Variants in ZNF365 observed in about 807,000 individuals in gnomAD.
ZNF365 encodes zinc finger protein 365, also known as protein ZNF365.
Under a neutral mutation model 35.0 loss-of-function variants are expected in ZNF365, and 22 were observed. The ratio of observed to expected loss-of-function variants is 0.63; its 90% CI spans 0.45 to 0.90. The LOEUF (loss-of-function observed/expected upper bound fraction) is 0.90. Among genes scored for constraint, ZNF365 ranks in the 40% least tolerant of loss-of-function variants. The pLI is 0.00. For synonymous variants in ZNF365, 188 were observed against 196.2 expected, an observed-to-expected ratio of 0.96 and a Z score of 0.35; for missense variants, 448 against 500.3, an observed-to-expected ratio of 0.90 and a Z score of 1.00.
chr10:62,458,181 A>G (rs1187842115), intron 3 of ZNF365, among the ~76,000 whole-genome samples: 1 of 152,170 alleles, frequency 6.6e-6, no homozygotes, highest in Non-Finnish European at 1.5e-5. Flanking sequence ...TGAGTTCTGA[A>G]TCTGTTCATG....
intron 3 of ZNF365, among the ~76,000 whole-genome samples, chr10:62,410,272 G>A (rs984016816): frequency 2.6e-5 from 4 of 152,148 alleles, no homozygotes; most frequent in Admixed American, 6.5e-5. Flanking sequence ...ATTTGGAGCA[G>A]GGCTAAGGGA....
intron 3 of ZNF365, among the ~76,000 whole-genome samples, chr10:62,392,960 T>G (rs1190960040): frequency 2.0e-5 from 3 of 152,168 alleles, no homozygotes; most frequent in African/African-American, 7.2e-5. Flanking sequence ...ACCAGAGAAG[T>G]ACAATAATAT....
chr10:62,438,341 C>G (rs1177454764), intron 3 of ZNF365, among the ~76,000 whole-genome samples: 3 of 151,814 alleles, frequency 2.0e-5, no homozygotes, highest in African/African-American at 4.8e-5. Flanking sequence ...GGCGCAGCAA[C>G]CATGCCAGGC....
At position 62,472,974 on chromosome 10, in the gene ZNF365, G is replaced by C. The variant is rs1841067652; in HGVS notation, c.982-6902G>C. Among the ~76,000 whole-genome samples, 4 of 152,194 alleles carry C rather than the reference G, an allele frequency of 2.6e-5. No individual in the cohort carries two copies. In the South Asian group the frequency reaches 8.3e-4, roughly 32 times the overall value. Reference sequence around the variant, plus strand: ...CCCACCCCTCCAAGCTCCCTTCCAAGAGGCAACCACTGTGACCTGTATCTT... The same window carrying C: ...CCCACCCCTCCAAGCTCCCTTCCAACAGGCAACCACTGTGACCTGTATCTT... On this transcript the variant is annotated intron_variant, in intron 4 of 4. Coordinates refer to the ZNF365 transcript ENST00000395255.
chr10:62,374,681 G>C (rs1839284061), intron 1 of ZNF365, among the ~76,000 whole-genome samples: 2 of 152,170 alleles, frequency 1.3e-5, no homozygotes, highest in Non-Finnish European at 2.9e-5. Flanking sequence ...GGGACCCCGG[G>C]GCAGGGTCAT....
chr10:62,391,667 CT>C (rs1459062321), intron 3 of ZNF365, among the ~76,000 whole-genome samples: 10 of 152,296 alleles, frequency 6.6e-5, no homozygotes, highest in African/African-American at 2.2e-4. Flanking sequence ...GGCATTTGGG[CT>C]GGTTCAGTAT....
In ZNF365 at chr10:62,427,986, T is replaced by C. The variant is rs16917201; in HGVS notation, c.925-31755T>C. 1.5e-3 allele frequency among the ~76,000 whole-genome samples: 221 copies of C among 152,308 alleles called. 4 individuals are homozygous for C. The East Asian group carries it at 0.038, about 26-fold the overall frequency. On this transcript the variant is annotated intron_variant, in intron 3 of 4. Coordinates refer to the ZNF365 transcript ENST00000395255. ...TTGAACATCACAGAAGCCAATATGA[T>C]TGGAAAACCAAGAGTGGCGTAGGAA...
At chr10:62,460,661 A>C (rs907259915) in intron 4 of ZNF365, among the ~76,000 whole-genome samples, 4 of 152,204 alleles carry the variant, frequency 2.6e-5, no homozygotes, top group African/African-American at 9.6e-5. Flanking sequence ...AAGCCCTAAG[A>C]GAGATACAAA....
intron 2 of ZNF365, 87 bp from the exon 3 acceptor site, chr10:62,388,309 A>G: frequency 2.0e-6 from 3 of 1,484,102 alleles, no homozygotes; most frequent in Non-Finnish European, 2.8e-6. Flanking sequence ...TAACTGACAA[A>G]TAGTAGGCAC....
intron 3 of ZNF365, among the ~76,000 whole-genome samples, chr10:62,453,123 G>T (rs966957942): frequency 6.6e-6 from 1 of 152,194 alleles, no homozygotes; most frequent in Non-Finnish European, 1.5e-5. Flanking sequence ...CTTGGAGTTT[G>T]TACATCTTTA....
chr10:62,392,351 C>G (rs1839644933), intron 3 of ZNF365, among the ~76,000 whole-genome samples: 1 of 152,124 alleles, frequency 6.6e-6, no homozygotes, highest in Non-Finnish European at 1.5e-5. Flanking sequence ...ATGTTATCTT[C>G]TAGAATTTGT....
At chr10:62,421,042 A>G (rs968771620) in intron 3 of ZNF365, among the ~76,000 whole-genome samples, 1 of 151,900 alleles carries the variant, frequency 6.6e-6, no homozygotes, top group Admixed American at 6.6e-5. Flanking sequence ...TGGAAAACAG[A>G]CTTCAAAAGA....
At chr10:62,445,986 C>G (rs557411554) in intron 3 of ZNF365, among the ~76,000 whole-genome samples, 2 of 152,250 alleles carry the variant, frequency 1.3e-5, no homozygotes, top group African/African-American at 4.8e-5. Context: ...TTGGGTTGAG[C>G]TGATTTGGCC....
chr10:62,424,476 T>A (rs552346876), intron 3 of ZNF365, among the ~76,000 whole-genome samples: 1 of 152,310 alleles, frequency 6.6e-6, no homozygotes, highest in South Asian at 2.1e-4. Context: ...GAGAAAATAG[T>A]CATTTGATAA....
chr10:62,452,639 T>A (rs550054967), intron 3 of ZNF365, among the ~76,000 whole-genome samples: 2 of 152,254 alleles, frequency 1.3e-5, no homozygotes, highest in Admixed American at 1.3e-4. Context: ...CAACATCTTA[T>A]GGAGAAGAAG....
chr10:62,455,667 G>C (rs1383459644), intron 3 of ZNF365, among the ~76,000 whole-genome samples: 1 of 151,976 alleles, frequency 6.6e-6, no homozygotes, highest in Admixed American at 6.6e-5. Context: ...AATTAACTTA[G>C]AGAAGGATAG....
chr10:62,434,612 AGACT>A (rs1840380255), intron 3 of ZNF365, among the ~76,000 whole-genome samples: 2 of 152,192 alleles, frequency 1.3e-5, no homozygotes, highest in South Asian at 4.1e-4. Flanking sequence ...CCTACTTGGA[AGACT>A]GCACGGAACC....
At chr10:62,454,566 A>T (rs184041755) in intron 3 of ZNF365, among the ~76,000 whole-genome samples, 4 of 152,172 alleles carry the variant, frequency 2.6e-5, no homozygotes, top group East Asian at 3.9e-4. Flanking sequence ...AGAACCTCTA[A>T]TCTAGCTTGT....
At position 62,396,393 on chromosome 10, in the gene ZNF365, C is replaced by G. The variant is rs531917703; in HGVS notation, c.925-2347C>G. On this transcript the variant is annotated intron_variant, in intron 3 of 4. Coordinates refer to ENST00000395254, the MANE Select transcript of ZNF365 (RefSeq NM_014951.3). ...TACTTAACTCTGCTGCCTTAGCTTC[C>G]GTATCTCTAAAATTGGAATGATGAT... Among the ~76,000 whole-genome samples, 8 of 152,284 alleles carry G rather than the reference C, an allele frequency of 5.3e-5. No individual in the cohort carries two copies. In the South Asian group the frequency reaches 1.0e-3, roughly 20 times the overall value.
Sources: allele counts gnomAD v4.1 joint callset (sites outside exome capture counted in the v4.1 genomes callset), GRCh38; gene constraint gnomAD v4.1.1; transcripts MANE v1.5; gene names NCBI Gene and HGNC (gene_info 2026-07-23, HGNC 2026-07-21).